SPIDR: variants seen among roughly 807,000 people sequenced by gnomAD.
The protein encoded by SPIDR is scaffold protein involved in DNA repair, also known as DNA repair-scaffolding protein.
Under a neutral mutation model 104.6 loss-of-function variants are expected in SPIDR, and 93 were observed. The observed-to-expected ratio is 0.89, with a 90% confidence interval of 0.75 to 1.06. The LOEUF is 1.06. Ranked by LOEUF, SPIDR falls within the 50% of genes least tolerant of loss-of-function variation. The probability of loss-of-function intolerance (pLI) is 0.00; values close to 1 mark genes in which losing one functional copy is unlikely to be tolerated. For missense variants in SPIDR, 1,154 were observed against 1,111.2 expected (o/e 1.04, Z -0.55); for synonymous variants, 431 against 416.9 (o/e 1.03, Z -0.41).
At chr8:47,273,215 A>G (rs1265007158) in intron 1 of SPIDR, among the ~76,000 whole-genome samples, 3 of 152,180 alleles carry the variant, frequency 2.0e-5, no homozygotes, top group Non-Finnish European at 4.4e-5. Flanking sequence ...GTTGTCACTC[A>G]TATTTTTGAT....
intron 8 of SPIDR, among the ~76,000 whole-genome samples, chr8:47,497,255 G>A (rs2079599408): frequency 6.6e-6 from 1 of 151,802 alleles, no homozygotes; most frequent in South Asian, 2.1e-4. Flanking sequence ...CGTGCTTTGG[G>A]TTTTGTTTTT....
intron 6 of SPIDR, among the ~76,000 whole-genome samples, chr8:47,405,121 G>A (rs1040472686): frequency 4.6e-5 from 7 of 151,934 alleles, no homozygotes; most frequent in Non-Finnish European, 7.4e-5. Context: ...ACCAGACACC[G>A]CATGTTCTCA....
At chr8:47,490,632 GTGGCACATATACACCA>G (rs2078534190) in intron 8 of SPIDR, among the ~76,000 whole-genome samples, 1 of 152,212 alleles carries the variant, frequency 6.6e-6, no homozygotes, top group South Asian at 2.1e-4. Context: ...TTAAGAAAAT[GTGGCACATATACACCA>G]TGGAATACTA....
At chr8:47,499,244 A>G (rs1277026619) in intron 8 of SPIDR, among the ~76,000 whole-genome samples, 2 of 152,218 alleles carry the variant, frequency 1.3e-5, no homozygotes, top group Admixed American at 6.5e-5. Context: ...CTGCACTGAC[A>G]TGTAACTAAT....
chr8:47,440,442 G>C lies in SPIDR; in HGVS notation c.997G>C (p.Ala333Pro). The C allele has an allele frequency of 6.2e-7, 1 of 1,614,212 alleles. No homozygotes were observed. The highest frequency in any genetic ancestry group is 1.1e-5 in the South Asian group (1 of 91,090). ...AGCCACCAGCTCCTCCCAAAGTGTG[G>C]CTCCCAGGCCTGGAGCTGGCCTGAA... is the stretch of plus-strand genomic sequence containing the variant. ...SPATSSSQSV[A>P]PRPGAGLKVL... is the part of the protein sequence containing the mutation. Residue 333 changes from alanine (A) to proline (P), a missense_variant, in exon 8 of 20, where the codon GCT becomes CCT. Transcript: ENST00000297423.
At position 47,713,532 on chromosome 8, in the gene SPIDR, G is replaced by GC; in HGVS notation, c.2236dup (p.Leu746ProfsTer12). The GC allele has an allele frequency of 6.2e-7, 1 of 1,614,156 alleles. No homozygotes were observed. The highest frequency in any genetic ancestry group is 1.3e-5 in the African/African-American group (1 of 75,026). ...AACGAACTGTCCTCTTGCTTCAGAA[G>GC]CCCCTTTTGAGTGTGGTCTCTGGTG... On this transcript the variant is annotated frameshift_variant, in exon 16 of 20. Coordinates refer to ENST00000297423, the MANE Select transcript of SPIDR (RefSeq NM_001080394.4). LOFTEE classifies it high-confidence loss of function.
At chr8:47,452,254 A>G (rs1228279897) in intron 8 of SPIDR, among the ~76,000 whole-genome samples, 1 of 152,150 alleles carries the variant, frequency 6.6e-6, no homozygotes, top group Non-Finnish European at 1.5e-5. Context: ...TCCAAAATCG[A>G]TCAATCAATG....
At chr8:47,561,157 T>C (rs1233255099) in intron 8 of SPIDR, among the ~76,000 whole-genome samples, 1 of 152,230 alleles carries the variant, frequency 6.6e-6, no homozygotes, top group Non-Finnish European at 1.5e-5. Context: ...GTTGTTTTAA[T>C]GACTTAATGA....
intron 10 of SPIDR, among the ~76,000 whole-genome samples, chr8:47,667,148 G>T (rs1206858488): frequency 6.6e-6 from 1 of 152,024 alleles, no homozygotes; most frequent in Non-Finnish European, 1.5e-5. Context: ...GGGTGTGGTG[G>T]TGCACGCCTG....
At chr8:47,290,615 C>G (rs2154237491) in intron 3 of SPIDR, among the ~76,000 whole-genome samples, 1 of 152,340 alleles carries the variant, frequency 6.6e-6, no homozygotes, top group East Asian at 1.9e-4. Context: ...TACCAGAGCT[C>G]TTAGCATGGC....
At chr8:47,346,061 T>A (rs1388514880) in intron 5 of SPIDR, among the ~76,000 whole-genome samples, 3 of 152,236 alleles carry the variant, frequency 2.0e-5, no homozygotes, top group Non-Finnish European at 4.4e-5. Flanking sequence ...AGGGAATGCT[T>A]CTAGTTTTTG....
chr8:47,322,978 A>G (rs2047004062), intron 5 of SPIDR, among the ~76,000 whole-genome samples: 1 of 152,090 alleles, frequency 6.6e-6, no homozygotes, highest in Non-Finnish European at 1.5e-5. Flanking sequence ...TAGGAGGTAT[A>G]CCTAATGTTA....
chr8:47,289,793 A>G (rs1040775439), intron 3 of SPIDR, among the ~76,000 whole-genome samples: 1 of 152,186 alleles, frequency 6.6e-6, no homozygotes, highest in Non-Finnish European at 1.5e-5. Context: ...AAATTCACAT[A>G]ACATCTTATA....
intron 8 of SPIDR, among the ~76,000 whole-genome samples, chr8:47,568,770 C>T (rs1341252786): frequency 6.6e-6 from 1 of 152,112 alleles, no homozygotes. Context: ...TGAATATATG[C>T]CACCATGAGC....
chr8:47,566,655 T>G (rs1001204891), intron 8 of SPIDR, among the ~76,000 whole-genome samples: 5 of 152,112 alleles, frequency 3.3e-5, no homozygotes, highest in African/African-American at 1.2e-4. Flanking sequence ...TGCAGTGACA[T>G]GTAAATCAAT....
In SPIDR at chr8:47,727,165, G is replaced by A. The variant is rs182269176; in HGVS notation, c.2342-35G>A. ...CAGAGGAGTCAGAGAGGGCAGAGCC[G>A]CCTCTGAGGTGGGCTTTCCTTCTCT... On this transcript the variant is annotated intron_variant, in intron 16 of 19. Transcript: ENST00000297423. 2.1e-4 allele frequency: 337 copies of A among 1,591,342 alleles called. 1 individual carries two copies. In the African/African-American group the frequency reaches 3.4e-3, roughly 16 times the overall value.
chr8:47,498,381 T>C (rs1361821136), intron 8 of SPIDR, among the ~76,000 whole-genome samples: 1 of 152,198 alleles, frequency 6.6e-6, no homozygotes, highest in African/African-American at 2.4e-5. Context: ...TCTTTTATGA[T>C]CTAACACACT....
chr8:47,302,868 C>A (rs1055798458), intron 5 of SPIDR, among the ~76,000 whole-genome samples: 1 of 152,202 alleles, frequency 6.6e-6, no homozygotes, highest in Admixed American at 6.5e-5. Context: ...TGGGGGGTCC[C>A]TCCCAGTTAG....
intron 6 of SPIDR, among the ~76,000 whole-genome samples, chr8:47,406,022 T>C (rs1342730694): frequency 6.6e-6 from 1 of 152,108 alleles, no homozygotes; most frequent in Non-Finnish European, 1.5e-5. Flanking sequence ...CATCCTGTAA[T>C]CTGCACAGTT....
Sources: allele counts gnomAD v4.1 joint callset (sites outside exome capture counted in the v4.1 genomes callset), GRCh38; gene constraint gnomAD v4.1.1; transcripts MANE v1.5; gene names NCBI Gene and HGNC (gene_info 2026-07-23, HGNC 2026-07-21).